Variants in TOPBP1 observed in about 807,000 individuals in gnomAD.
The protein encoded by TOPBP1 is DNA topoisomerase II binding protein 1.
A neutral mutation model predicts 167.7 loss-of-function variants in TOPBP1; 28 were observed. The observed-to-expected ratio is 0.17, with a 90% CI of 0.12 to 0.23. TOPBP1 has a LOEUF of 0.23. Ranked by LOEUF, TOPBP1 falls within the 10% of genes least tolerant of loss-of-function variation. TOPBP1 has a pLI of 1.00. For synonymous variants in TOPBP1, 598 were observed against 611.4 expected (o/e 0.98, Z 0.32); for missense variants, 1,554 against 1,809.6 (o/e 0.86, Z 2.56).
At chr3:133,641,572 G>T (rs1254853828) in intron 12 of TOPBP1, among the ~76,000 whole-genome samples, 4 of 152,052 alleles carry the variant, frequency 2.6e-5, no homozygotes, top group Non-Finnish European at 5.9e-5. Context: ...TCAGTATATT[G>T]TCCAGGCTGG....
rs1324417593 is a variant in TOPBP1, at chr3:133,600,568, A to G, written c.*682T>C. 2 of 152,596 alleles carry G rather than the reference A, an allele frequency of 1.3e-5. No individual in the cohort carries two copies. Among genetic ancestry groups the G allele is most frequent in the Non-Finnish European group, 1.5e-5 (1 of 68,054 alleles). 9.5% of individuals were successfully genotyped at this position (152,596 alleles called of 1,614,324 possible). A position where few individuals can be genotyped will look rare whatever the true frequency, so the allele number is the denominator to read the frequency against. Reference sequence around the variant, plus strand: ...GCAATTCATTTTTTACGTTACATAAATGTTTTGTTGCTTCAACAGAAGAAC... The same window carrying G: ...GCAATTCATTTTTTACGTTACATAAGTGTTTTGTTGCTTCAACAGAAGAAC... On this transcript the variant is annotated 3_prime_UTR_variant, in exon 28 of 28. Coordinates refer to ENST00000260810, the MANE Select transcript of TOPBP1 (RefSeq NM_007027.4).
At chr3:133,650,929 T>C (rs1209915851) in intron 8 of TOPBP1, among the ~76,000 whole-genome samples, 2 of 151,852 alleles carry the variant, frequency 1.3e-5, no homozygotes, top group Non-Finnish European at 1.5e-5. Flanking sequence ...GCCAATATGG[T>C]GAAACCCTCA....
intron 16 of TOPBP1, chr3:133,628,043 C>T (rs1935324971): frequency 8.2e-6 from 2 of 242,480 alleles, no homozygotes; most frequent in Non-Finnish European, 1.6e-5. Context: ...CTCTAAACTC[C>T]TTGAACACAG....
chr3:133,601,249 A>AT lies in TOPBP1; in HGVS notation c.4569dup. 6.3e-7 allele frequency: 1 copy of AT among 1,594,588 alleles called. No homozygotes were observed. ...GTTTGGTAACTAAAGGGTAGATGCG[A>AT]TTAGTGTACTCTAGGTCGTTTGATT... On this transcript the variant is annotated 3_prime_UTR_variant, in exon 28 of 28. Coordinates refer to ENST00000260810, the MANE Select transcript of TOPBP1 (RefSeq NM_007027.4).
At chr3:133,621,040 CTT>C (rs1935074386) in intron 19 of TOPBP1, among the ~76,000 whole-genome samples, 1 of 152,104 alleles carries the variant, frequency 6.6e-6, no homozygotes, top group African/African-American at 2.4e-5. Flanking sequence ...GAGACAGAGT[CTT>C]GCTCTGTGGC....
At chr3:133,651,170 CCTT>C (rs1204467886) in intron 8 of TOPBP1, among the ~76,000 whole-genome samples, 1 of 135,586 alleles carries the variant, frequency 7.4e-6, no homozygotes, top group African/African-American at 2.7e-5. Flanking sequence ...GCCGAATTTC[CCTT>C]TTTTTTTTTT....
At chr3:133,622,276 C>T (rs1284511325) in intron 19 of TOPBP1, among the ~76,000 whole-genome samples, 3 of 150,234 alleles carry the variant, frequency 2.0e-5, no homozygotes, top group South Asian at 2.1e-4. Context: ...CCGCAACCTC[C>T]GCCTCCCGAG....
At chr3:133,632,644 C>A (rs1424712250) in intron 14 of TOPBP1, among the ~76,000 whole-genome samples, 3 of 152,154 alleles carry the variant, frequency 2.0e-5, no homozygotes, top group Admixed American at 2.0e-4. Flanking sequence ...AGCACACGTG[C>A]CACTAGTACC....
intron 16 of TOPBP1, among the ~76,000 whole-genome samples, chr3:133,626,239 C>T (rs1935262719): frequency 2.0e-5 from 3 of 152,166 alleles, no homozygotes; most frequent in African/African-American, 7.2e-5. Flanking sequence ...AACAGATGAA[C>T]CAGCCCATAC....
At chr3:133,619,642 A>G (rs531285384) in intron 20 of TOPBP1, among the ~76,000 whole-genome samples, 2 of 152,366 alleles carry the variant, frequency 1.3e-5, no homozygotes, top group East Asian at 1.9e-4. Flanking sequence ...GAAAAAATAT[A>G]TATGTACTTA....
At chr3:133,658,556 T>C (rs1435118676) in intron 3 of TOPBP1, among the ~76,000 whole-genome samples, 1 of 151,416 alleles carries the variant, frequency 6.6e-6, no homozygotes, top group Non-Finnish European at 1.5e-5. Flanking sequence ...ATAAGCCCAA[T>C]ATTTTGGGAG....
At chr3:133,643,962 C>T in intron 11 of TOPBP1, 58 bp downstream of exon 11, 2 of 1,460,280 alleles carry the variant, frequency 1.4e-6, no homozygotes, top group Non-Finnish European at 1.9e-6. Flanking sequence ...TAAACATTAA[C>T]CTTCTTGGCA....
rs555754544 is a variant in TOPBP1, at chr3:133,619,763, G to A, written c.3371+392C>T. Reference sequence around the variant, plus strand: ...ATCTTAAAATCATTTCTTTCTCAACGGAGGTAATAAAAAGTATCAATCATG... The same window carrying A: ...ATCTTAAAATCATTTCTTTCTCAACAGAGGTAATAAAAAGTATCAATCATG... On this transcript the variant is annotated intron_variant, in intron 20 of 27. Transcript: ENST00000260810. Among the ~76,000 whole-genome samples the A allele has an allele frequency of 2.8e-4, 43 of 152,258 alleles. No individual in the cohort carries two copies. The South Asian group carries it at 8.3e-3, about 29-fold the overall frequency.
Position 133,612,382 on chromosome 3 carries a change from T to C in TOPBP1, c.4035+7A>G, listed in dbSNP as rs1238379094. On this transcript the variant is annotated splice_region_variant and intron_variant, in intron 24 of 27. Transcript: ENST00000260810. ...AAAAATAAACTTCCACAAATCTGAA[T>C]ACACACCTGCACGAAGTGTCCAGCA... 2.2e-5 allele frequency: 35 copies of C among 1,613,452 alleles called. No individual in the cohort carries two copies. The highest frequency in any genetic ancestry group is 2.8e-5 in the Non-Finnish European group (33 of 1,179,702).
At chr3:133,618,943 G>A (rs567916096) in intron 20 of TOPBP1, among the ~76,000 whole-genome samples, 3 of 152,052 alleles carry the variant, frequency 2.0e-5, no homozygotes, top group South Asian at 2.1e-4. Flanking sequence ...ACTTTCCAGA[G>A]TCTACGGTGG....
At chr3:133,618,067 C>T in intron 21 of TOPBP1, 146 bp downstream of exon 21, 1 of 647,670 alleles carries the variant, frequency 1.5e-6, no homozygotes, top group Non-Finnish European at 2.6e-6. Flanking sequence ...TTTTCTGGCT[C>T]AAGTTTAAAC....
intron 13 of TOPBP1, among the ~76,000 whole-genome samples, chr3:133,638,749 G>A (rs1935765066): frequency 6.6e-6 from 1 of 152,160 alleles, no homozygotes; most frequent in African/African-American, 2.4e-5. Flanking sequence ...TTACAAGAGA[G>A]GGTACTGTAT....
chr3:133,625,407 A>G (rs1935235478), intron 16 of TOPBP1, among the ~76,000 whole-genome samples: 1 of 152,240 alleles, frequency 6.6e-6, no homozygotes, highest in Non-Finnish European at 1.5e-5. Flanking sequence ...TAAGTAAGGA[A>G]TATCTCTGAG....
At chr3:133,646,583 G>A (rs1343135113) in intron 10 of TOPBP1, among the ~76,000 whole-genome samples, 1 of 151,670 alleles carries the variant, frequency 6.6e-6, no homozygotes, top group Non-Finnish European at 1.5e-5. Flanking sequence ...CTCGGGAGGA[G>A]GAGGTTGCAG....
Sources: allele counts gnomAD v4.1 joint callset (sites outside exome capture counted in the v4.1 genomes callset), GRCh38; gene constraint gnomAD v4.1.1; transcripts MANE v1.5; gene names NCBI Gene and HGNC (gene_info 2026-07-23, HGNC 2026-07-21).